Variants in CADPS2 observed in about 807,000 individuals in gnomAD.
CADPS2 encodes calcium-dependent secretion activator 2.
Under a neutral mutation model 172.5 loss-of-function variants are expected in CADPS2, and 93 were observed. That is an observed-to-expected ratio of 0.54 (90% CI 0.46 to 0.64). The LOEUF is 0.64. Ranked by LOEUF, CADPS2 falls within the 30% of genes least tolerant of loss-of-function variation. CADPS2 has a pLI of 0.00. For synonymous variants in CADPS2, 546 were observed against 555.2 expected (o/e 0.98, Z 0.23); for missense variants, 1,420 against 1,565.9 (o/e 0.91, Z 1.57).
At chr7:122,506,415 A>G (rs1306888994) in intron 9 of CADPS2, among the ~76,000 whole-genome samples, 2 of 152,234 alleles carry the variant, frequency 1.3e-5, no homozygotes, top group Non-Finnish European at 2.9e-5. Context: ...AGGTTTCAGC[A>G]TCACTGCTTT....
At chr7:122,563,809 C>A (rs891689774) in intron 7 of CADPS2, among the ~76,000 whole-genome samples, 1 of 152,052 alleles carries the variant, frequency 6.6e-6, no homozygotes, top group Non-Finnish European at 1.5e-5. Flanking sequence ...TTGGGATTGG[C>A]TAGCTAATTC....
chr7:122,835,397 G>A (rs1000803354), intron 1 of CADPS2, among the ~76,000 whole-genome samples: 5 of 152,202 alleles, frequency 3.3e-5, no homozygotes, highest in Non-Finnish European at 5.9e-5. Context: ...CCAAAGGAAC[G>A]CAGCTCCTCG....
At chr7:122,681,662 A>T in intron 2 of CADPS2, 1 of 1,332,920 alleles carries the variant, frequency 7.5e-7, no homozygotes, top group Non-Finnish European at 1.1e-6. Flanking sequence ...AGCCCATGTA[A>T]GGAGCTGAGT....
At chr7:122,816,976 G>A (rs1036598446) in intron 1 of CADPS2, among the ~76,000 whole-genome samples, 8 of 148,814 alleles carry the variant, frequency 5.4e-5, no homozygotes, top group African/African-American at 7.6e-5. Flanking sequence ...AACACCTTGC[G>A]ACCCCCACTC....
chr7:122,330,788 T>G (rs985997191), intron 28 of CADPS2: 6 of 152,224 alleles, frequency 3.9e-5, no homozygotes, highest in African/African-American at 1.4e-4. Flanking sequence ...GGGCTGGTTG[T>G]CAACACACCA....
intron 5 of CADPS2, among the ~76,000 whole-genome samples, chr7:122,620,412 G>C (rs960761609): frequency 3.3e-5 from 5 of 152,108 alleles, no homozygotes; most frequent in African/African-American, 4.8e-5. Flanking sequence ...AGGAACTAAA[G>C]ATGTCAGGTG....
chr7:122,392,456 G>A (rs1354352339), intron 22 of CADPS2, among the ~76,000 whole-genome samples: 2 of 151,608 alleles, frequency 1.3e-5, no homozygotes, highest in Admixed American at 1.3e-4. Context: ...TAGAGTTGAG[G>A]AAAAAACTCA....
chr7:122,575,442 C>CTT (rs140893372), intron 7 of CADPS2, among the ~76,000 whole-genome samples: 14 of 143,368 alleles, frequency 9.8e-5, no homozygotes, highest in African/African-American at 3.0e-4. Flanking sequence ...TCTTCTTTTC[C>CTT]TTTTTTTTTT....
Position 122,407,620 on chromosome 7 carries a change from G to C in CADPS2, c.2666C>G (p.Thr889Ser), listed in dbSNP as rs142167604. The C allele has an allele frequency of 2.0e-4, 330 of 1,612,186 alleles. No individual in the cohort carries two copies. Among genetic ancestry groups the C allele is most frequent in the African/African-American group, 1.1e-3 (79 of 75,038 alleles). ...GTCTTGCGGTTGAGCCTCTAGTGCA[G>C]TGTCCATATCCACTGTAAATAAAGC... ...FWALFTVDMD[T>S]ALEAQPQDSW... is the part of the protein sequence containing the mutation. Residue 889 changes from threonine (T) to serine (S), a missense_variant, in exon 20 of 30, where the codon ACT becomes AGT. Thr to Ser is a moderately conservative substitution (Grantham distance 58). Transcript: ENST00000449022.
At chr7:122,601,697 C>T (rs958017233) in intron 6 of CADPS2, among the ~76,000 whole-genome samples, 5 of 151,948 alleles carry the variant, frequency 3.3e-5, no homozygotes, top group Non-Finnish European at 7.4e-5. Context: ...AAAAAACCCC[C>T]AAATCCTAAG....
intron 2 of CADPS2, among the ~76,000 whole-genome samples, chr7:122,718,548 T>C (rs1443488025): frequency 2.0e-5 from 3 of 152,218 alleles, no homozygotes; most frequent in African/African-American, 7.2e-5. Context: ...AAATAGCAAG[T>C]TGTATATGGC....
chr7:122,462,571 A>C (rs1353190089), intron 14 of CADPS2, among the ~76,000 whole-genome samples: 1 of 152,226 alleles, frequency 6.6e-6, no homozygotes, highest in Non-Finnish European at 1.5e-5. Context: ...CAAACTAATT[A>C]AAGGACAGAA....
intron 3 of CADPS2, among the ~76,000 whole-genome samples, chr7:122,641,957 T>C (rs2077698275): frequency 6.6e-6 from 1 of 151,812 alleles, no homozygotes; most frequent in Non-Finnish European, 1.5e-5. Flanking sequence ...AGCATCAGGA[T>C]GGATTTGCAA....
intron 2 of CADPS2, among the ~76,000 whole-genome samples, chr7:122,734,866 G>C (rs1288620829): frequency 6.6e-6 from 1 of 152,058 alleles, no homozygotes; most frequent in Admixed American, 6.6e-5. Flanking sequence ...ACAAAGACAT[G>C]TTAGATATAG....
chr7:122,328,036 G>A (rs2034216532), intron 28 of CADPS2, among the ~76,000 whole-genome samples: 1 of 151,830 alleles, frequency 6.6e-6, no homozygotes, highest in East Asian at 1.9e-4. Flanking sequence ...TTAAGGAAAA[G>A]CAGCAACTTA....
At chr7:122,610,460 A>T (rs2074155458) in intron 6 of CADPS2, among the ~76,000 whole-genome samples, 1 of 152,114 alleles carries the variant, frequency 6.6e-6, no homozygotes, top group Non-Finnish European at 1.5e-5. Context: ...TACAAAGACT[A>T]CATATTGCAT....
intron 23 of CADPS2, among the ~76,000 whole-genome samples, chr7:122,387,469 A>C (rs557962592): frequency 9.2e-5 from 14 of 152,166 alleles, no homozygotes; most frequent in South Asian, 8.3e-4. Flanking sequence ...TGGAAAAAAA[A>C]CTCATAATTT....
intron 2 of CADPS2, among the ~76,000 whole-genome samples, chr7:122,699,718 G>C (rs1588520561): frequency 6.6e-6 from 1 of 152,142 alleles, no homozygotes; most frequent in South Asian, 2.1e-4. Context: ...TAGTAAGACT[G>C]ACAGGAGTAA....
chr7:122,649,930 G>A (rs1234884053), intron 3 of CADPS2, among the ~76,000 whole-genome samples: 1 of 25,738 alleles, frequency 3.9e-5, no homozygotes, highest in Non-Finnish European at 7.1e-5. Context: ...TTTTTTTTGA[G>A]AGAGTCTCAC....
Sources: gnomAD v4.1 joint callset for allele counts (sites outside exome capture counted in the v4.1 genomes callset) on GRCh38, gnomAD v4.1.1 for gene constraint, MANE v1.5 for transcripts, NCBI Gene and HGNC (gene_info 2026-07-23, HGNC 2026-07-21) for gene names.